The following ANKRD50 variants were observed in gnomAD, a reference collection of about 807,000 sequenced individuals.
ANKRD50 encodes ankyrin repeat domain-containing protein 50.
Under a neutral mutation model 112.0 loss-of-function variants are expected in ANKRD50, and 40 were observed. That is an observed-to-expected ratio of 0.36 (90% CI 0.28 to 0.46). The LOEUF (loss-of-function observed/expected upper bound fraction) is 0.46. Among genes scored for constraint, ANKRD50 ranks in the 20% least tolerant of loss-of-function variants. The probability of loss-of-function intolerance (pLI) is 1.00; values close to 1 mark genes in which losing one functional copy is unlikely to be tolerated. For synonymous variants in ANKRD50, 613 were observed against 619.1 expected (o/e 0.99, Z 0.15); for missense variants, 1,487 against 1,701.7 (o/e 0.87, Z 2.22).
At position 124,670,649 on chromosome 4, in the gene ANKRD50, A is replaced by C; in HGVS notation, c.2628T>G (p.Ile876Met). ...LIEQGARTNE[I>M]DNDGRIPFIL... ...TGAAAGGGATTCGTCCATCATTGTC[A>C]ATCTCATTTGTTCTAGCACCTTGTT... Residue 876 changes from isoleucine to methionine, a missense_variant, in exon 4 of 5, where the codon ATT (isoleucine) becomes ATG (methionine). Ile to Met is a conservative substitution (Grantham distance 10, BLOSUM62 1). Coordinates refer to ENST00000504087, the MANE Select transcript of ANKRD50 (RefSeq NM_020337.3). 2 of 1,613,530 alleles carry C rather than the reference A, an allele frequency of 1.2e-6. No individual in the cohort carries two copies. Among genetic ancestry groups the C allele is most frequent in the Non-Finnish European group, 1.7e-6 (2 of 1,179,820 alleles).
intron 2 of ANKRD50, among the ~76,000 whole-genome samples, chr4:124,689,597 A>C (rs994905059): frequency 6.6e-6 from 1 of 152,202 alleles, no homozygotes; most frequent in East Asian, 1.9e-4. Flanking sequence ...GTGGGACAGC[A>C]GTCCTTTTCT....
At chr4:124,695,235 A>G (rs1213534400) in intron 2 of ANKRD50, among the ~76,000 whole-genome samples, 1 of 152,172 alleles carries the variant, frequency 6.6e-6, no homozygotes, top group Non-Finnish European at 1.5e-5. Context: ...AAGCAAGAAG[A>G]TAAGATGAAT....
intron 2 of ANKRD50, among the ~76,000 whole-genome samples, chr4:124,694,868 T>C (rs1364125396): frequency 2.6e-5 from 4 of 151,742 alleles, no homozygotes; most frequent in Non-Finnish European, 4.4e-5. Context: ...GAAATGGTAA[T>C]AGAGAAGAAA....
intron 2 of ANKRD50, among the ~76,000 whole-genome samples, chr4:124,689,980 T>C (rs778088626): frequency 2.6e-5 from 4 of 152,230 alleles, no homozygotes; most frequent in African/African-American, 4.8e-5. Flanking sequence ...AACATTTATA[T>C]CTTCCCACCC....
At chr4:124,701,853 C>A (rs1352039917) in intron 2 of ANKRD50, among the ~76,000 whole-genome samples, 1 of 151,928 alleles carries the variant, frequency 6.6e-6, no homozygotes, top group Non-Finnish European at 1.5e-5. Context: ...ATCTAGTTAC[C>A]TTATTTCATA....
At chr4:124,691,535 A>T (rs1449676638) in intron 2 of ANKRD50, among the ~76,000 whole-genome samples, 1 of 148,080 alleles carries the variant, frequency 6.8e-6, no homozygotes, top group Non-Finnish European at 1.5e-5. Flanking sequence ...GGAGAACAGT[A>T]CTTAACATTT....
At position 124,667,077 on chromosome 4, in the gene ANKRD50, C is replaced by T. The variant is rs577898819; in HGVS notation, c.*441G>A. On this transcript the variant is annotated 3_prime_UTR_variant, in exon 5 of 5. Transcript: ENST00000504087. ...GATACAAGAAACAGGCCATACACTA[C>T]AATGCAATGTGACTGAAACAGTATG... 6.6e-6 allele frequency: 1 copy of T among 151,764 alleles called. No homozygotes were observed. Among genetic ancestry groups the T allele is most frequent in the Non-Finnish European group, 1.5e-5 (1 of 67,864 alleles). 9.4% of individuals were successfully genotyped at this position (151,764 alleles called of 1,614,324 possible). A position where few individuals can be genotyped will look rare whatever the true frequency, so the allele number is the denominator to read the frequency against.
chr4:124,711,943 A>G lies in ANKRD50; in HGVS notation c.-764+515T>C, dbSNP rs145725342. On this transcript the variant is annotated intron_variant, in intron 1 of 4. Transcript: ENST00000504087. ...TCCTTCCAAGACAGGAAAGGGATAAAGAGTAGAGTGCTTCGGTGCTGGTGG... is the reference window on the plus strand; with the variant it reads ...TCCTTCCAAGACAGGAAAGGGATAAGGAGTAGAGTGCTTCGGTGCTGGTGG... Among the ~76,000 whole-genome samples, 731 of 152,214 alleles carry G rather than the reference A, an allele frequency of 4.8e-3. 7 individuals are homozygous for G. Among genetic ancestry groups the G allele is most frequent in the African/African-American group, 0.017 (702 of 41,508 alleles).
intron 2 of ANKRD50, among the ~76,000 whole-genome samples, chr4:124,696,720 G>GT (rs1725261972): frequency 6.6e-6 from 1 of 151,954 alleles, no homozygotes; most frequent in Non-Finnish European, 1.5e-5. Flanking sequence ...ATGCCATTAA[G>GT]TTTTTTTGTC....
intron 3 of ANKRD50, among the ~76,000 whole-genome samples, chr4:124,676,395 C>T (rs779231603): frequency 3.2e-4 from 48 of 151,176 alleles, no homozygotes; most frequent in Non-Finnish European, 6.2e-4. Context: ...AGTAATTGCA[C>T]AAGAAAATTA....
intron 3 of ANKRD50, among the ~76,000 whole-genome samples, chr4:124,674,064 A>G (rs1730718336): frequency 2.0e-5 from 3 of 152,042 alleles, no homozygotes; most frequent in Admixed American, 2.0e-4. Context: ...ATTTGCCTCC[A>G]AATCTTTTTC....
intron 2 of ANKRD50, among the ~76,000 whole-genome samples, chr4:124,708,384 A>G (rs566778237): frequency 1.3e-5 from 2 of 152,300 alleles, no homozygotes; most frequent in South Asian, 4.1e-4. Context: ...ACAACAAAAG[A>G]TAATAGATTT....
At chr4:124,680,703 T>C (rs187440849) in intron 2 of ANKRD50, among the ~76,000 whole-genome samples, 211 of 152,252 alleles carry the variant, frequency 1.4e-3, no homozygotes, top group Non-Finnish European at 2.4e-3. Context: ...CCACTTCAGA[T>C]ATAGCACACA....
In ANKRD50 at chr4:124,670,262, G is replaced by A. The variant is rs745819135; in HGVS notation, c.3015C>T (p.Val1005=). The part of the protein sequence containing the change: ...VQVLIAYHAD[V]NAADNEKRSA... ...AGCGCTTTTCATTGTCTGCAGCATTGACGTCAGCATGGTATGCTATCAGGA... is the reference window on the plus strand; with the variant it reads ...AGCGCTTTTCATTGTCTGCAGCATTAACGTCAGCATGGTATGCTATCAGGA... The change falls in exon 4 of 5, where the codon GTC becomes GTT. Residue 1005 remains valine (V), a synonymous_variant. Transcript: ENST00000504087. 13 of 1,613,794 alleles carry A rather than the reference G, an allele frequency of 8.1e-6. No individual in the cohort carries two copies. The highest frequency in any genetic ancestry group is 1.1e-5 in the Non-Finnish European group (13 of 1,179,912).
At chr4:124,698,496 T>C (rs1213144016) in intron 2 of ANKRD50, among the ~76,000 whole-genome samples, 3 of 151,868 alleles carry the variant, frequency 2.0e-5, no homozygotes, top group Admixed American at 6.6e-5. Flanking sequence ...ATATTAGAGG[T>C]TGAGAAGAGA....
At chr4:124,689,226 A>G (rs142929708) in intron 2 of ANKRD50, among the ~76,000 whole-genome samples, 14 of 152,326 alleles carry the variant, frequency 9.2e-5, no homozygotes, top group Admixed American at 8.5e-4. Flanking sequence ...ATTTATAAAT[A>G]TTTATGGAAT....
intron 2 of ANKRD50, among the ~76,000 whole-genome samples, chr4:124,683,083 C>G (rs970399908): frequency 3.3e-5 from 5 of 151,526 alleles, no homozygotes; most frequent in African/African-American, 1.2e-4. Context: ...TATACACACA[C>G]ATAATGTATA....
intron 2 of ANKRD50, among the ~76,000 whole-genome samples, chr4:124,703,706 T>C (rs866292371): frequency 2.6e-5 from 4 of 151,680 alleles, no homozygotes; most frequent in Admixed American, 6.6e-5. Context: ...AATCTGGATA[T>C]GTATATGAAA....
Position 124,710,578 on chromosome 4 carries a change from A to T in ANKRD50, c.-67T>A. ...AACACAGGTCTTTCCATCCATTATG[A>T]CATAACTTGTATATTAAGTTGACTC... On this transcript the variant is annotated 5_prime_UTR_variant, in exon 2 of 5. Coordinates refer to ENST00000504087, the MANE Select transcript of ANKRD50 (RefSeq NM_020337.3). The T allele has an allele frequency of 6.7e-7, 1 of 1,497,030 alleles. No individual in the cohort carries two copies. The highest frequency in any genetic ancestry group is 8.9e-7 in the Non-Finnish European group (1 of 1,117,376). The allele number at this position is 1,497,030 out of a possible 1,614,324, so 92.7% of individuals were successfully genotyped here. A position where few individuals can be genotyped will look rare whatever the true frequency, so the allele number is the denominator to read the frequency against.
Sources: gnomAD v4.1 joint callset for allele counts (sites outside exome capture counted in the v4.1 genomes callset) on GRCh38, gnomAD v4.1.1 for gene constraint, MANE v1.5 for transcripts, NCBI Gene and HGNC (gene_info 2026-07-23, HGNC 2026-07-21) for gene names.